ERG: variants seen among roughly 807,000 people sequenced by gnomAD.
ERG encodes the protein transcriptional regulator ERG.
ERG carries 9 observed loss-of-function variants against 55.3 expected under a neutral mutation model. The observed-to-expected ratio is 0.16, with a 90% CI of 0.10 to 0.28. ERG has a LOEUF of 0.28. ERG is among the 10% of genes least tolerant of loss of function. The pLI is 1.00. For synonymous variants in ERG, 223 were observed against 237.3 expected, an observed-to-expected ratio of 0.94 and a Z score of 0.55; for missense variants, 434 against 631.6, an observed-to-expected ratio of 0.69 and a Z score of 3.35.
chr21:38,647,295 C>T (rs185033152), intron 1 of ERG, among the ~76,000 whole-genome samples: 14 of 152,238 alleles, frequency 9.2e-5, no homozygotes, highest in East Asian at 3.9e-4. Context: ...AGGTCACGTA[C>T]GGGCATCCAC....
intron 3 of ERG, among the ~76,000 whole-genome samples, chr21:38,420,623 C>T (rs1989501415): frequency 6.6e-6 from 1 of 152,174 alleles, no homozygotes; most frequent in African/African-American, 2.4e-5. Context: ...GGTGCTCTGA[C>T]TTCAGTTGAT....
intron 2 of ERG, among the ~76,000 whole-genome samples, chr21:38,526,732 C>G (rs2146761160): frequency 6.6e-6 from 1 of 152,204 alleles, no homozygotes; most frequent in South Asian, 2.1e-4. Flanking sequence ...TTTGTACTAA[C>G]TCTATTTACT....
intron 1 of ERG, among the ~76,000 whole-genome samples, chr21:38,478,966 TG>T (rs1181553630): frequency 6.6e-6 from 1 of 152,160 alleles, no homozygotes; most frequent in Non-Finnish European, 1.5e-5. Context: ...ACGAACTGTG[TG>T]GGCTGCCCTA....
the ERG span, among the ~76,000 whole-genome samples, chr21:38,371,455 G>C: frequency 6.6e-6 from 1 of 151,692 alleles, no homozygotes; most frequent in African/African-American, 2.4e-5. Flanking sequence ...TCTTGTTCTT[G>C]ACAGCAAAGA....
rs918126309 is a variant in ERG, at chr21:38,428,830, C to T, written c.237-5269G>A. Among the ~76,000 whole-genome samples, 4 of 152,176 alleles carry T rather than the reference C, an allele frequency of 2.6e-5. No individual in the cohort carries two copies. In the East Asian group the frequency reaches 5.8e-4, roughly 22 times the overall value. On this transcript the variant is annotated intron_variant, in intron 2 of 9. Transcript: ENST00000288319. ...TGGAAATTTCTTTATTGCAAATAAG[C>T]GTGGTTCAAGATATTGCTCTCACAG... is the stretch of plus-strand genomic sequence containing the variant.
chr21:38,436,207 C>T (rs1474857153), intron 2 of ERG, among the ~76,000 whole-genome samples: 1 of 151,540 alleles, frequency 6.6e-6, no homozygotes, highest in African/African-American at 2.4e-5. Flanking sequence ...GATGGGGTTT[C>T]ACCATGTTGG....
rs1273853147 is a variant in ERG, at chr21:38,445,481, C to T, written c.159G>A (p.Gln53=). The T allele has an allele frequency of 6.2e-6, 10 of 1,614,030 alleles. No individual in the cohort carries two copies. Among genetic ancestry groups the T allele is most frequent in the Non-Finnish European group, 8.5e-6 (10 of 1,180,032 alleles). ...QTSKMSPRVP[Q]QDWLSQPPAR... ...CTGGGGGTTGAGACAGCCAATCCTG[C>T]TGAGGGACGCGTGGGCTCATCTTGG... is the stretch of plus-strand genomic sequence containing the variant. Residue 53 remains glutamine (Q), a synonymous_variant, in exon 2 of 10, where the codon CAG becomes CAA. Coordinates refer to ENST00000288319, the MANE Select transcript of ERG (RefSeq NM_182918.4).
chr21:38,617,554 T>A (rs1374739837), intron 1 of ERG, among the ~76,000 whole-genome samples: 1 of 152,242 alleles, frequency 6.6e-6, no homozygotes, highest in African/African-American at 2.4e-5. Context: ...TCTTAATGGA[T>A]GTGTTTAAAG....
chr21:38,602,569 C>A (rs1000373837), intron 1 of ERG, among the ~76,000 whole-genome samples: 3 of 152,046 alleles, frequency 2.0e-5, no homozygotes, highest in African/African-American at 7.3e-5. Flanking sequence ...AAGGGAAATG[C>A]AGCAACTGGT....
chr21:38,395,587 T>C (rs570297041), intron 6 of ERG: 33 of 187,072 alleles, frequency 1.8e-4, no homozygotes, highest in Middle Eastern at 1.9e-3. Context: ...GAGACTGTGT[T>C]TAAAAACTGA....
chr21:38,527,619 GC>G (rs1357828843), intron 2 of ERG, among the ~76,000 whole-genome samples: 2 of 152,082 alleles, frequency 1.3e-5, no homozygotes, highest in African/African-American at 4.8e-5. Flanking sequence ...CAGGCATGGA[GC>G]CCCACCCCCC....
At chr21:38,387,783 G>T (rs75403041) in intron 9 of ERG, among the ~76,000 whole-genome samples, 1 of 152,158 alleles carries the variant, frequency 6.6e-6, no homozygotes, top group Non-Finnish European at 1.5e-5. Flanking sequence ...AGCTTACTGT[G>T]TGCCATGCAC....
intron 2 of ERG, among the ~76,000 whole-genome samples, chr21:38,558,502 T>G (rs1015057118): frequency 4.3e-4 from 66 of 152,230 alleles, no homozygotes; most frequent in Non-Finnish European, 1.6e-4. Flanking sequence ...TCATCCAAAG[T>G]CAAACATTAG....
downstream of ERG, among the ~76,000 whole-genome samples, chr21:38,378,784 C>T (rs1249065200): frequency 6.6e-6 from 1 of 152,180 alleles, no homozygotes; most frequent in African/African-American, 2.4e-5. Context: ...ATGTCACCTT[C>T]CCGTTTAATT....
chr21:38,454,418 C>T (rs1325701603), intron 1 of ERG, among the ~76,000 whole-genome samples: 1 of 152,186 alleles, frequency 6.6e-6, no homozygotes, highest in Non-Finnish European at 1.5e-5. Context: ...ATGCAGATTC[C>T]GAGTCTCCAG....
At chr21:38,512,720 T>C (rs1198769925) in intron 2 of ERG, among the ~76,000 whole-genome samples, 1 of 152,114 alleles carries the variant, frequency 6.6e-6, no homozygotes, top group Non-Finnish European at 1.5e-5. Flanking sequence ...AGTCAAACAG[T>C]TGAGAAAATT....
At chr21:38,434,206 G>A (rs1472888943) in intron 2 of ERG, among the ~76,000 whole-genome samples, 2 of 152,200 alleles carry the variant, frequency 1.3e-5, no homozygotes, top group Non-Finnish European at 2.9e-5. Context: ...AGGTACTGGA[G>A]TTATATCAGT....
upstream of ERG, among the ~76,000 whole-genome samples, chr21:38,585,666 C>T (rs369133270): frequency 4.0e-5 from 6 of 150,034 alleles, no homozygotes; most frequent in South Asian, 4.2e-4. Flanking sequence ...CATCTGTTTC[C>T]GTTGAAAATA....
chr21:38,512,692 G>A (rs901543296), intron 2 of ERG, among the ~76,000 whole-genome samples: 1 of 152,154 alleles, frequency 6.6e-6, no homozygotes, highest in African/African-American at 2.4e-5. Context: ...GGATCATGGA[G>A]TAACTGCCCC....
Sources: allele counts gnomAD v4.1 joint callset (sites outside exome capture counted in the v4.1 genomes callset), GRCh38; gene constraint gnomAD v4.1.1; transcripts MANE v1.5; gene names NCBI Gene and HGNC (gene_info 2026-07-23, HGNC 2026-07-21).